The following SMAP1 variants were observed in gnomAD, a reference collection of about 807,000 sequenced individuals.
The protein encoded by SMAP1 is small ArfGAP 1.
SMAP1 carries 24 observed loss-of-function variants against 58.5 expected under a neutral mutation model. That is an observed-to-expected ratio of 0.41 (90% confidence interval 0.30 to 0.58). The LOEUF (loss-of-function observed/expected upper bound fraction) is 0.58. Ranked by LOEUF, SMAP1 falls within the 20% of genes least tolerant of loss-of-function variation. The probability of loss-of-function intolerance (pLI) is 0.29; values close to 1 mark genes in which losing one functional copy is unlikely to be tolerated. For missense variants in SMAP1, 563 were observed against 566.3 expected (o/e 0.99, Z 0.06); for synonymous variants, 216 against 196.6 (o/e 1.10, Z -0.82).
At position 70,761,430 on chromosome 6, in the gene SMAP1, A is replaced by G. The variant is rs534485306; in HGVS notation, c.338+6365A>G. On this transcript the variant is annotated intron_variant, in intron 3 of 10. Transcript: ENST00000370455. ...TTCTGTTTCTAATTTTTTGGGTTGTATTATTGATCTATGTCAGTATAACTA... is the reference window on the plus strand; with the variant it reads ...TTCTGTTTCTAATTTTTTGGGTTGTGTTATTGATCTATGTCAGTATAACTA... Among the ~76,000 whole-genome samples the G allele has an allele frequency of 1.2e-4, 18 of 152,126 alleles. No individual in the cohort carries two copies. The East Asian group carries it at 3.3e-3, about 28-fold the overall frequency.
chr6:70,788,656 T>G (rs1221077773), intron 4 of SMAP1, among the ~76,000 whole-genome samples: 1 of 152,010 alleles, frequency 6.6e-6, no homozygotes, highest in Non-Finnish European at 1.5e-5. Flanking sequence ...GAAAGGCCCC[T>G]AGAGTTCAGA....
At chr6:70,808,902 CTGTGTGTGTGTGTGTGTGTGTGTGTG>C (rs35577736) in intron 6 of SMAP1, among the ~76,000 whole-genome samples, 1 of 144,678 alleles carries the variant, frequency 6.9e-6, no homozygotes, top group African/African-American at 2.6e-5. Flanking sequence ...GGCTGTTTCC[CTGTGTGTGTGTGTGTGTGTGTGTGTG>C]TGTGTGTGTG....
chr6:70,856,599 C>T (rs184430107), intron 8 of SMAP1: 481 of 278,450 alleles, frequency 1.7e-3, no homozygotes, highest in Non-Finnish European at 2.8e-3. Flanking sequence ...CTTGGTGTCA[C>T]CTTAGGTAGT....
intron 6 of SMAP1, among the ~76,000 whole-genome samples, chr6:70,820,447 C>A (rs1448243863): frequency 6.6e-6 from 1 of 152,164 alleles, no homozygotes; most frequent in Non-Finnish European, 1.5e-5. Flanking sequence ...TGCAATGGCT[C>A]ACGCCTGTAG....
chr6:70,856,925 ACT>A lies in SMAP1; in HGVS notation c.857_858del (p.Thr286ArgfsTer122). ...TVTSGDLDLFTEQTTKSEEVA... is the reference protein window; with the variant it reads ...TVTSGDLDLFXEQTTKSEEVA... ...AACATCTGGGGATCTAGATTTATTCACTGAGCAAACTACAAAATCAGAAGAAG... is the reference window on the plus strand; with the variant it reads ...AACATCTGGGGATCTAGATTTATTCAGAGCAAACTACAAAATCAGAAGAAG... On this transcript the variant is annotated frameshift_variant, in exon 9 of 11. Coordinates refer to ENST00000370455, the MANE Select transcript of SMAP1 (RefSeq NM_001044305.3). LOFTEE classifies it high-confidence loss of function. 6.2e-7 allele frequency: 1 copy of A among 1,614,002 alleles called. No homozygotes were observed. Among genetic ancestry groups the A allele is most frequent in the Non-Finnish European group, 8.5e-7 (1 of 1,179,890 alleles).
At chr6:70,771,504 A>AT (rs1767309192) in intron 3 of SMAP1, among the ~76,000 whole-genome samples, 1 of 152,122 alleles carries the variant, frequency 6.6e-6, no homozygotes, top group Non-Finnish European at 1.5e-5. Context: ...TTGGTCTCAG[A>AT]TTGCTGTGCC....
chr6:70,836,327 C>G (rs1214522054), intron 6 of SMAP1, among the ~76,000 whole-genome samples: 3 of 151,950 alleles, frequency 2.0e-5, no homozygotes, highest in Non-Finnish European at 4.4e-5. Context: ...GAAACTACCC[C>G]TTATAATACC....
intron 7 of SMAP1, among the ~76,000 whole-genome samples, 191 bp downstream of exon 7, chr6:70,837,219 A>G (rs1412488104): frequency 6.6e-6 from 1 of 152,218 alleles, no homozygotes; most frequent in Non-Finnish European, 1.5e-5. Flanking sequence ...GTCTGTCAGC[A>G]CTGTTTTCAC....
At chr6:70,828,814 C>CGA (rs1362134227) in intron 6 of SMAP1, among the ~76,000 whole-genome samples, 1 of 152,230 alleles carries the variant, frequency 6.6e-6, no homozygotes, top group Non-Finnish European at 1.5e-5. Context: ...GTCAATGCTT[C>CGA]AGTGAGTGGT....
At chr6:70,771,214 TGAG>T (rs1019391037) in intron 3 of SMAP1, among the ~76,000 whole-genome samples, 2 of 152,182 alleles carry the variant, frequency 1.3e-5, no homozygotes, top group African/African-American at 4.8e-5. Context: ...GGGACCCACT[TGAG>T]GAGGCAGTCT....
At chr6:70,771,732 C>T (rs778032548) in intron 3 of SMAP1, among the ~76,000 whole-genome samples, 7 of 152,134 alleles carry the variant, frequency 4.6e-5, no homozygotes, top group South Asian at 2.1e-4. Flanking sequence ...TCCCTGCTTC[C>T]GCTCGCCCAC....
chr6:70,671,291 C>T (rs1043674478), intron 1 of SMAP1, among the ~76,000 whole-genome samples: 4 of 151,902 alleles, frequency 2.6e-5, no homozygotes, highest in Non-Finnish European at 4.4e-5. Context: ...TAGAAAACAT[C>T]GCTGGGCTTG....
intron 4 of SMAP1, among the ~76,000 whole-genome samples, chr6:70,780,602 T>C (rs1045284554): frequency 6.6e-6 from 1 of 152,122 alleles, no homozygotes; most frequent in African/African-American, 2.4e-5. Flanking sequence ...AAGAGAAATC[T>C]GTCCTGTCTG....
chr6:70,787,244 A>T (rs186667140), intron 4 of SMAP1, among the ~76,000 whole-genome samples: 14 of 152,246 alleles, frequency 9.2e-5, no homozygotes, highest in African/African-American at 2.2e-4. Context: ...CTGGCTAGCC[A>T]TATGTAGAAA....
At chr6:70,835,910 G>A (rs770695477) in intron 6 of SMAP1, among the ~76,000 whole-genome samples, 16 of 152,284 alleles carry the variant, frequency 1.1e-4, no homozygotes, top group Non-Finnish European at 1.9e-4. Flanking sequence ...TTGTGAGAAA[G>A]TAAGTTTGGA....
intron 7 of SMAP1, among the ~76,000 whole-genome samples, chr6:70,841,355 T>TA (rs1445352614): frequency 6.6e-6 from 1 of 152,166 alleles, no homozygotes; most frequent in Non-Finnish European, 1.5e-5. Flanking sequence ...CCCACAGTCC[T>TA]ACCAGACACA....
chr6:70,833,808 T>C (rs1291250380), intron 6 of SMAP1, among the ~76,000 whole-genome samples: 1 of 152,232 alleles, frequency 6.6e-6, no homozygotes, highest in East Asian at 1.9e-4. Flanking sequence ...AAAAGTTTCG[T>C]TGTGGCCCAT....
At chr6:70,768,542 G>A (rs530616204) in intron 3 of SMAP1, among the ~76,000 whole-genome samples, 4 of 152,310 alleles carry the variant, frequency 2.6e-5, no homozygotes, top group South Asian at 4.1e-4. Flanking sequence ...TTGCGTAGAG[G>A]TGTTTGTCGT....
At chr6:70,817,249 C>T (rs1769678434) in intron 6 of SMAP1, among the ~76,000 whole-genome samples, 1 of 151,850 alleles carries the variant, frequency 6.6e-6, no homozygotes, top group African/African-American at 2.4e-5. Flanking sequence ...TCTCACCACA[C>T]CTTAGGACCT....
Sources: gnomAD v4.1 joint callset for allele counts (sites outside exome capture counted in the v4.1 genomes callset) on GRCh38, gnomAD v4.1.1 for gene constraint, MANE v1.5 for transcripts, NCBI Gene and HGNC (gene_info 2026-07-23, HGNC 2026-07-21) for gene names.